PRKACB: variants seen among roughly 807,000 people sequenced by gnomAD.
The protein encoded by PRKACB is protein kinase cAMP-activated catalytic subunit beta.
PRKACB carries 16 observed loss-of-function variants against 51.4 expected under a neutral mutation model. That is an observed-to-expected ratio of 0.31 (90% CI 0.21 to 0.47). The LOEUF (loss-of-function observed/expected upper bound fraction) is 0.47, where lower values mean the gene tolerates loss of function less well. Ranked by LOEUF, PRKACB falls within the 20% of genes least tolerant of loss-of-function variation. The pLI, the probability that PRKACB is intolerant of heterozygous loss-of-function variation, is 1.00. For synonymous variants in PRKACB, 147 were observed against 154.4 expected, an observed-to-expected ratio of 0.95 and a Z score of 0.35; for missense variants, 309 against 464.5, an observed-to-expected ratio of 0.67 and a Z score of 3.08.
intron 1 of PRKACB, among the ~76,000 whole-genome samples, chr1:84,132,134 A>G (rs1201088623): frequency 6.6e-6 from 1 of 152,218 alleles, no homozygotes; most frequent in African/African-American, 2.4e-5. Context: ...CATGAAGGTC[A>G]CAGCTCAGAG....
chr1:84,212,916 A>T (rs1269584828), intron 8 of PRKACB, among the ~76,000 whole-genome samples: 1 of 152,146 alleles, frequency 6.6e-6, no homozygotes, highest in Non-Finnish European at 1.5e-5. Flanking sequence ...GGGAGACAGA[A>T]ATATGCACAA....
At chr1:84,167,021 C>T (rs955520056) in intron 1 of PRKACB, among the ~76,000 whole-genome samples, 1 of 151,550 alleles carries the variant, frequency 6.6e-6, no homozygotes, top group Non-Finnish European at 1.5e-5. Context: ...AAACCTTGGT[C>T]ATTTCTAACT....
At chr1:84,155,844 C>T (rs1655430025) in intron 1 of PRKACB, among the ~76,000 whole-genome samples, 1 of 152,154 alleles carries the variant, frequency 6.6e-6, no homozygotes, top group Non-Finnish European at 1.5e-5. Flanking sequence ...CACCGGCACA[C>T]TTATCTATTC....
At chr1:84,194,514 T>G (rs1056956504) in intron 5 of PRKACB, among the ~76,000 whole-genome samples, 4 of 152,208 alleles carry the variant, frequency 2.6e-5, no homozygotes, top group African/African-American at 9.6e-5. Context: ...CTGTCTGGAC[T>G]TAAAACTGCT....
chr1:84,106,156 C>G (rs1240072639), intron 1 of PRKACB, among the ~76,000 whole-genome samples: 2 of 152,080 alleles, frequency 1.3e-5, no homozygotes, highest in East Asian at 3.9e-4. Context: ...CAGAGGCGCC[C>G]TGGAACCAAT....
At chr1:84,150,237 C>G (rs1249849593) in intron 1 of PRKACB, among the ~76,000 whole-genome samples, 6 of 152,036 alleles carry the variant, frequency 3.9e-5, no homozygotes, top group Admixed American at 3.9e-4. Context: ...GAGATTGCAC[C>G]ACTGCAGTCC....
At chr1:84,217,349 TTCA>T (rs1342126947) in intron 9 of PRKACB, among the ~76,000 whole-genome samples, 1 of 152,134 alleles carries the variant, frequency 6.6e-6, no homozygotes, top group African/African-American at 2.4e-5. Flanking sequence ...CCCTGTGCCC[TTCA>T]TCACTGCAGT....
At chr1:84,135,179 G>A (rs1652674513) in intron 1 of PRKACB, among the ~76,000 whole-genome samples, 2 of 151,168 alleles carry the variant, frequency 1.3e-5, no homozygotes, top group Admixed American at 1.3e-4. Flanking sequence ...ATTTAAAAAG[G>A]TTGGGGGAGC....
At chr1:84,160,986 T>A (rs1313899125) in intron 1 of PRKACB, among the ~76,000 whole-genome samples, 1 of 151,916 alleles carries the variant, frequency 6.6e-6, no homozygotes, top group African/African-American at 2.4e-5. Flanking sequence ...TGTCAAGATT[T>A]TTTTGATGGT....
intron 8 of PRKACB, chr1:84,204,502 C>T (rs1329534371): frequency 6.2e-7 from 1 of 1,602,526 alleles, no homozygotes; most frequent in Non-Finnish European, 8.5e-7. Context: ...ATGAACAAAA[C>T]AAAACTTTGA....
intron 1 of PRKACB, among the ~76,000 whole-genome samples, chr1:84,127,085 C>T (rs1423557048): frequency 6.6e-6 from 1 of 152,182 alleles, no homozygotes; most frequent in African/African-American, 2.4e-5. Flanking sequence ...GCATGGCATA[C>T]TCTTCTTCCA....
Position 84,235,905 on chromosome 1 carries a change from C to T in PRKACB, c.*600C>T, listed in dbSNP as rs1462757094. On this transcript the variant is annotated 3_prime_UTR_variant, in exon 10 of 10. Coordinates refer to ENST00000370685, the MANE Select transcript of PRKACB (RefSeq NM_182948.4). ...GGCAATAAATTTTGGTAGACTAATA[C>T]AGTACAGCTAGACCCAGAAATTTGG... The T allele has an allele frequency of 6.5e-6, 1 of 152,756 alleles. No individual in the cohort carries two copies. Among genetic ancestry groups the T allele is most frequent in the Non-Finnish European group, 1.5e-5 (1 of 68,170 alleles). The allele number at this position is 152,756 out of a possible 1,614,324, so 9.5% of individuals were successfully genotyped here. A position where few individuals can be genotyped will look rare whatever the true frequency, so the allele number is the denominator to read the frequency against.
chr1:84,128,263 A>G (rs1651830010), intron 1 of PRKACB, among the ~76,000 whole-genome samples: 1 of 151,970 alleles, frequency 6.6e-6, no homozygotes, highest in Non-Finnish European at 1.5e-5. Context: ...AAAAAGCAAA[A>G]TTAAAAAAAA....
chr1:84,131,691 C>T (rs1181612561), intron 1 of PRKACB, among the ~76,000 whole-genome samples: 1 of 152,172 alleles, frequency 6.6e-6, no homozygotes, highest in Non-Finnish European at 1.5e-5. Flanking sequence ...AATCCAGAGA[C>T]TCATGGCCGA....
chr1:84,089,051 A>G (rs1481310132), intron 1 of PRKACB, among the ~76,000 whole-genome samples: 3 of 152,156 alleles, frequency 2.0e-5, no homozygotes, highest in Admixed American at 1.3e-4. Context: ...CTTGTACTAC[A>G]TTGCTTTTTC....
chr1:84,209,871 A>G (rs1361755862), intron 8 of PRKACB, among the ~76,000 whole-genome samples: 1 of 152,238 alleles, frequency 6.6e-6, no homozygotes, highest in Non-Finnish European at 1.5e-5. Flanking sequence ...AGCATAACAC[A>G]TAGTAGAGGT....
chr1:84,091,952 C>A (rs1648510795), intron 1 of PRKACB, among the ~76,000 whole-genome samples: 1 of 152,022 alleles, frequency 6.6e-6, no homozygotes, highest in Non-Finnish European at 1.5e-5. Context: ...ACAGTGGGAG[C>A]CATAGTGGAG....
upstream of PRKACB, among the ~76,000 whole-genome samples, chr1:84,141,634 C>T (rs1653427421): frequency 6.6e-6 from 1 of 151,814 alleles, no homozygotes; most frequent in Non-Finnish European, 1.5e-5. Context: ...TGTTTTAAAG[C>T]TTATGCATTG....
At chr1:84,091,018 A>T (rs1280174094) in intron 1 of PRKACB, among the ~76,000 whole-genome samples, 1 of 151,790 alleles carries the variant, frequency 6.6e-6, no homozygotes, top group Non-Finnish European at 1.5e-5. Flanking sequence ...AAAAACGTGT[A>T]CCCCTTTTCC....
Sources: gnomAD v4.1 joint callset for allele counts (sites outside exome capture counted in the v4.1 genomes callset) on GRCh38, gnomAD v4.1.1 for gene constraint, MANE v1.5 for transcripts, NCBI Gene and HGNC (gene_info 2026-07-23, HGNC 2026-07-21) for gene names.